Variants in OTOGL observed in about 807,000 individuals in gnomAD.
The protein encoded by OTOGL is otogelin-like protein.
Under a neutral mutation model 318.5 loss-of-function variants are expected in OTOGL, and 285 were observed. The observed-to-expected ratio is 0.89, with a 90% CI of 0.81 to 0.99. OTOGL has a LOEUF of 0.99. Among genes scored for constraint, OTOGL ranks in the 50% least tolerant of loss-of-function variants. The probability of loss-of-function intolerance (pLI) is 0.00; values close to 1 mark genes in which losing one functional copy is unlikely to be tolerated. For synonymous variants in OTOGL, 987 were observed against 936.5 expected (o/e 1.05, Z -0.99); for missense variants, 2,899 against 2,845.6 (o/e 1.02, Z -0.43).
chr12:80,266,181 T>G, intron 20 of OTOGL: 2 of 391,552 alleles, frequency 5.1e-6, no homozygotes, highest in East Asian at 4.7e-5. Context: ...CAATTCAACA[T>G]ATATAGTTCT....
At chr12:80,125,910 T>A (rs1870801625) in intron 1 of OTOGL, among the ~76,000 whole-genome samples, 1 of 152,158 alleles carries the variant, frequency 6.6e-6, no homozygotes, top group Non-Finnish European at 1.5e-5. Context: ...TTTTATTACA[T>A]CTATTTGATT....
At position 80,313,617 on chromosome 12, in the gene OTOGL, T is replaced by A; in HGVS notation, c.3592T>A (p.Ser1198Thr). 6.2e-7 allele frequency: 1 copy of A among 1,611,682 alleles called. No homozygotes were observed. Among genetic ancestry groups the A allele is most frequent in the South Asian group, 1.1e-5 (1 of 90,900 alleles). ...CQEGISIHWRSSTVCSLDCEY... is the reference protein window; with the variant it reads ...CQEGISIHWRTSTVCSLDCEY... ...GGAAGGAATATCAATTCATTGGAGA[T>A]CATCTACTGTTTGTTGTAAGTACCC... The change falls in exon 31 of 59, where the codon TCA (serine) becomes ACA (threonine). Residue 1198 changes from serine to threonine, a missense_variant. Ser to Thr is a moderately conservative substitution (Grantham distance 58). Around this residue, in one of 3 missense-constraint regions of OTOGL, gnomAD observed 2,607 missense variants for 2,524.9 expected, o/e 1.03. Coordinates refer to ENST00000547103, the MANE Select transcript of OTOGL (RefSeq NM_001378609.3).
At chr12:80,329,140 A>G in intron 37 of OTOGL, 21 bp downstream of exon 37, 1 of 1,472,364 alleles carries the variant, frequency 6.8e-7, no homozygotes. Context: ...AATTTTAGAC[A>G]ACAAAAGTAG....
intron 26 of OTOGL, among the ~76,000 whole-genome samples, chr12:80,295,799 T>G (rs1592671063): frequency 6.6e-6 from 1 of 152,226 alleles, no homozygotes; most frequent in East Asian, 1.9e-4. Flanking sequence ...ATTTAATTAT[T>G]TCACATTATA....
rs142855169 is a variant in OTOGL, at chr12:80,283,444, G to A, written c.2928+4278G>A. On this transcript the variant is annotated intron_variant, in intron 26 of 58. Coordinates refer to ENST00000547103, the MANE Select transcript of OTOGL (RefSeq NM_001378609.3). ...TGTTCAGCTCACAGTTATCTGTCCT[G>A]TTCTTATATCCTATTGTGTTTATAG... Among the ~76,000 whole-genome samples the A allele has an allele frequency of 5.7e-3, 873 of 151,904 alleles. 10 individuals are homozygous for A. The highest frequency in any genetic ancestry group is 0.02 in the African/African-American group (829 of 41,456).
At position 80,137,430 on chromosome 12, in the gene OTOGL, T is replaced by G. The variant is rs533311987; in HGVS notation, c.-20+37825T>G. ...TCACTTTAACCTGCCTAGACAGTAC[T>G]TTGATGAACTTGCTGAGAAATGGAA... On this transcript the variant is annotated intron_variant, in intron 1 of 58. Transcript: ENST00000547103. Among the ~76,000 whole-genome samples the G allele has an allele frequency of 5.5e-4, 83 of 152,266 alleles. 2 individuals are homozygous for G. In the South Asian group the frequency reaches 8.1e-3, roughly 15 times the overall value.
intron 56 of OTOGL, among the ~76,000 whole-genome samples, chr12:80,371,224 A>G (rs1280282882): frequency 6.6e-6 from 1 of 152,124 alleles, no homozygotes; most frequent in East Asian, 1.9e-4. Context: ...TTGTGAACAT[A>G]ATATAATTTT....
At chr12:80,282,070 A>T (rs1884271533) in intron 26 of OTOGL, among the ~76,000 whole-genome samples, 2 of 151,910 alleles carry the variant, frequency 1.3e-5, no homozygotes, top group African/African-American at 4.8e-5. Flanking sequence ...AATTTCTTAC[A>T]TTGAATGCAT....
chr12:80,310,268 A>G (rs1042992200), intron 29 of OTOGL, among the ~76,000 whole-genome samples: 1 of 152,206 alleles, frequency 6.6e-6, no homozygotes, highest in Admixed American at 6.5e-5. Flanking sequence ...ATAACCTCTC[A>G]GATGATTTGT....
At chr12:80,112,812 A>G (rs1264569740) in intron 1 of OTOGL, among the ~76,000 whole-genome samples, 4 of 151,640 alleles carry the variant, frequency 2.6e-5, no homozygotes, top group Non-Finnish European at 4.4e-5. Flanking sequence ...ATTGTTTGGA[A>G]TAGTTTCAGA....
Position 80,352,381 on chromosome 12 carries a change from G to A in OTOGL, c.5352G>A (p.Val1784=). 1 of 1,612,398 alleles carries A rather than the reference G, an allele frequency of 6.2e-7. No individual in the cohort carries two copies. Among genetic ancestry groups the A allele is most frequent in the Non-Finnish European group, 8.5e-7 (1 of 1,178,936 alleles). The part of the protein sequence containing the change: ...NYECDALSAY[V]ALCNKFDICI... ...AATGTGATGCACTTTCTGCATATGT[G>A]GCTCTGTGCAACAAGTTTGATATCT... The change falls in exon 45 of 59, where the codon GTG becomes GTA. Residue 1784 remains valine, a synonymous_variant. Transcript: ENST00000547103.
rs371910323 is a variant in OTOGL at position 80,238,907 on chromosome 12, G to C, written c.874G>C (p.Asp292His). Residue 292 changes from aspartate (D) to histidine (H), a missense_variant, in exon 10 of 59, where the codon GAT becomes CAT. Around this residue, in one of 3 missense-constraint regions of OTOGL, gnomAD observed 2,607 missense variants for 2,524.9 expected, o/e 1.03. Coordinates refer to ENST00000547103, the MANE Select transcript of OTOGL (RefSeq NM_001378609.3). ...FANSWSVQTP[D>H]DTKCVLTPSD... ...AAATAGTTGGTCGGTGCAAACTCCA[G>C]ATGACACCAAATGTGTACTCACACC... is the stretch of plus-strand genomic sequence containing the variant. The C allele has an allele frequency of 1.2e-5, 19 of 1,591,450 alleles. No homozygotes were observed. Among genetic ancestry groups the C allele is most frequent in the Admixed American group, 1.7e-5 (1 of 59,076 alleles).
At chr12:80,223,552 G>A (rs965118900) in intron 7 of OTOGL, among the ~76,000 whole-genome samples, 1 of 152,038 alleles carries the variant, frequency 6.6e-6, no homozygotes, top group Non-Finnish European at 1.5e-5. Context: ...CAACAACCGT[G>A]TGAAAGTGTT....
Position 80,219,842 on chromosome 12 carries a change from A to C in OTOGL, c.264A>C (p.Gly88=). The C allele has an allele frequency of 6.3e-7, 1 of 1,589,544 alleles. No individual in the cohort carries two copies. Among genetic ancestry groups the C allele is most frequent in the Non-Finnish European group, 8.5e-7 (1 of 1,173,618 alleles). ...KGSCPYECLN[G]AFCSKTGTCD... ...CTTGTCCTTATGAATGCCTTAATGG[A>C]GCTTTCTGTTCTAAGACTGGAACAT... The change falls in exon 6 of 59, where the codon GGA becomes GGC. Residue 88 remains glycine (G), a synonymous_variant. Coordinates refer to ENST00000547103, the MANE Select transcript of OTOGL (RefSeq NM_001378609.3).
intron 1 of OTOGL, among the ~76,000 whole-genome samples, chr12:80,176,770 T>C (rs1376903386): frequency 6.6e-6 from 1 of 152,136 alleles, no homozygotes; most frequent in Non-Finnish European, 1.5e-5. Flanking sequence ...TATAGAATCA[T>C]TGGGTCATAT....
rs1355075339 is a variant in OTOGL at position 80,345,610 on chromosome 12, A to G, written c.5265+3448A>G. On this transcript the variant is annotated intron_variant, in intron 44 of 58. Coordinates refer to ENST00000547103, the MANE Select transcript of OTOGL (RefSeq NM_001378609.3). ...ATGGAAAGAAAAGATAAAAAGTAAAACCTAAATAATGTAAATGGATTATTT... is the reference window on the plus strand; with the variant it reads ...ATGGAAAGAAAAGATAAAAAGTAAAGCCTAAATAATGTAAATGGATTATTT... Among the ~76,000 whole-genome samples the G allele has an allele frequency of 2.6e-5, 4 of 152,160 alleles. No homozygotes were observed. The South Asian group carries it at 8.3e-4, about 32-fold the overall frequency.
chr12:80,336,530 A>T lies in OTOGL; in HGVS notation c.4718A>T (p.His1573Leu). ...ATTCCTGGTGAAATTATAGTTGCTC[A>T]TATCGAAAAATGTTCCATGAATCAG... ...VRIPGEIIVA[H>L]IEKCSMNQNG... The change falls in exon 40 of 59, where the codon CAT becomes CTT. Residue 1573 changes from histidine to leucine, a missense_variant. Physicochemically the swap from His to Leu is moderately conservative, Grantham distance 99. This residue lies in a region of OTOGL where 2,607 missense variants were observed against 2,524.9 expected (regional missense o/e 1.03). Transcript: ENST00000547103. The T allele has an allele frequency of 6.2e-7, 1 of 1,608,632 alleles. No homozygotes were observed. Among genetic ancestry groups the T allele is most frequent in the Non-Finnish European group, 8.5e-7 (1 of 1,176,848 alleles).
At chr12:80,122,253 C>CA (rs964984777) in intron 1 of OTOGL, among the ~76,000 whole-genome samples, 14 of 151,326 alleles carry the variant, frequency 9.3e-5, no homozygotes, top group African/African-American at 2.7e-4. Context: ...AATGTATAAG[C>CA]AAAAAAAGAA....
Position 80,266,168 on chromosome 12 carries a change from A to C in OTOGL, c.2225-283A>C, listed in dbSNP as rs141519817. ...ACAAGGGCAGAATTGAGTAGTTGTC[A>C]CTCAATTCAACATATATAGTTCTGC... On this transcript the variant is annotated intron_variant, in intron 20 of 58. Transcript: ENST00000547103. The C allele has an allele frequency of 2.9e-3, 945 of 323,348 alleles. 10 individuals carry two copies. The highest frequency in any genetic ancestry group is 0.018 in the African/African-American group (850 of 47,172). 20.0% of individuals were successfully genotyped at this position (323,348 alleles called of 1,614,324 possible). A position where few individuals can be genotyped will look rare whatever the true frequency, so the allele number is the denominator to read the frequency against.
Sources: allele counts gnomAD v4.1 joint callset (sites outside exome capture counted in the v4.1 genomes callset), GRCh38; gene constraint gnomAD v4.1.1; regional missense constraint gnomAD v4.1.1; transcripts MANE v1.5; gene names NCBI Gene and HGNC (gene_info 2026-07-23, HGNC 2026-07-21).